ZNF679: variants seen among roughly 807,000 people sequenced by gnomAD.
ZNF679 encodes zinc finger protein 679, also known as hypothetical protein MGC42415.
ZNF679 carries 10 observed loss-of-function variants against 13.4 expected under a neutral mutation model. The ratio of observed to expected loss-of-function variants is 0.75; its 90% CI spans 0.46 to 1.27. The LOEUF is 1.27. Ranked by LOEUF, ZNF679 falls within the 50% of genes most tolerant of loss-of-function variation. The probability of loss-of-function intolerance (pLI) is 0.00; values close to 1 mark genes in which losing one functional copy is unlikely to be tolerated. For missense variants in ZNF679, 525 were observed against 477.8 expected (o/e 1.10, Z -0.92); for synonymous variants, 179 against 162.5 (o/e 1.10, Z -0.77).
chr7:64,236,551 G>A (rs1787715041), intron 1 of ZNF679, among the ~76,000 whole-genome samples: 1 of 151,984 alleles, frequency 6.6e-6, no homozygotes, highest in Non-Finnish European at 1.5e-5. Flanking sequence ...TGTGGAGGCT[G>A]AGGTGGGTGG....
At position 64,266,353 on chromosome 7, in the gene ZNF679, C is replaced by T. The variant is rs1248040478; in HGVS notation, c.720C>T (p.Tyr240=). 21 of 1,613,488 alleles carry T rather than the reference C, an allele frequency of 1.3e-5. No homozygotes were observed. The highest frequency in any genetic ancestry group is 1.5e-5 in the Non-Finnish European group (18 of 1,179,798). The change falls in exon 5 of 5, where the codon TAC becomes TAT. Residue 240 remains tyrosine, a synonymous_variant. Coordinates refer to ENST00000421025, the MANE Select transcript of ZNF679 (RefSeq NM_153363.3). ...GAATTCATACTGGAGAGAAACCCTA[C>T]AGATGTGAGGAATGTGGCAAAGCTT... ...HKRIHTGEKP[Y]RCEECGKAFT... is the part of the protein sequence containing the mutation.
At chr7:64,252,585 C>A (rs76508218) in intron 2 of ZNF679, among the ~76,000 whole-genome samples, 1 of 152,040 alleles carries the variant, frequency 6.6e-6, no homozygotes, top group African/African-American at 2.4e-5. Flanking sequence ...TTATGGCTGT[C>A]GGAAATGAAT....
At chr7:64,236,172 G>C (rs1370880383) in intron 1 of ZNF679, among the ~76,000 whole-genome samples, 1 of 152,010 alleles carries the variant, frequency 6.6e-6, no homozygotes, top group Non-Finnish European at 1.5e-5. Flanking sequence ...GGCTGAGGCA[G>C]GAGAATTGCT....
At chr7:64,249,725 T>C (rs565978525) in intron 2 of ZNF679, among the ~76,000 whole-genome samples, 3 of 152,366 alleles carry the variant, frequency 2.0e-5, no homozygotes, top group Admixed American at 6.5e-5. Flanking sequence ...TAAAGTTATG[T>C]CGTTTCCTTA....
intron 2 of ZNF679, among the ~76,000 whole-genome samples, chr7:64,251,413 C>T (rs1291508152): frequency 6.6e-6 from 1 of 152,062 alleles, no homozygotes; most frequent in East Asian, 1.9e-4. Flanking sequence ...AAGATCATGC[C>T]AGTGCACTCC....
intron 3 of ZNF679, 47 bp from the exon 4 acceptor site, chr7:64,260,787 A>G: frequency 6.4e-7 from 1 of 1,557,008 alleles, no homozygotes; most frequent in Non-Finnish European, 8.7e-7. Flanking sequence ...TTTGGTAATT[A>G]AAGAATTCAG....
intron 4 of ZNF679, among the ~76,000 whole-genome samples, chr7:64,264,311 C>T (rs569421725): frequency 2.0e-5 from 3 of 151,936 alleles, no homozygotes; most frequent in African/African-American, 4.8e-5. Flanking sequence ...CTACCCTATA[C>T]ATCTTATTGA....
chr7:64,241,178 A>C (rs897705849), intron 1 of ZNF679, among the ~76,000 whole-genome samples: 2 of 152,194 alleles, frequency 1.3e-5, no homozygotes, highest in African/African-American at 4.8e-5. Flanking sequence ...CGTGCATGCA[A>C]GTCATAATAG....
chr7:64,262,916 T>G (rs2115612169), intron 4 of ZNF679, among the ~76,000 whole-genome samples: 1 of 152,328 alleles, frequency 6.6e-6, no homozygotes, highest in Non-Finnish European at 1.5e-5. Flanking sequence ...AAGTTGTCAT[T>G]TAACTATTTT....
rs2115625336 is a variant in ZNF679 at position 64,266,108 on chromosome 7, C to T, written c.475C>T (p.His159Tyr). ...STTQNKIFQT[H>Y]KCVKVFGKFS... ...TACCCAAAACAAAATATTTCAGACT[C>T]ATAAATGTGTCAAAGTCTTCGGCAA... The change falls in exon 5 of 5, where the codon CAT (histidine) becomes TAT (tyrosine). Residue 159 changes from histidine (H) to tyrosine (Y), a missense_variant. Transcript: ENST00000421025. The T allele has an allele frequency of 1.9e-6, 3 of 1,612,052 alleles. No homozygotes were observed. Among genetic ancestry groups the T allele is most frequent in the African/African-American group, 1.3e-5 (1 of 75,012 alleles).
intron 4 of ZNF679, among the ~76,000 whole-genome samples, chr7:64,265,325 A>G (rs1788129080): frequency 6.6e-6 from 1 of 152,100 alleles, no homozygotes; most frequent in South Asian, 2.1e-4. Flanking sequence ...TTTTTCCATT[A>G]AAAGACTTCT....
chr7:64,235,886 A>G (rs917387302), intron 1 of ZNF679, among the ~76,000 whole-genome samples: 1 of 148,254 alleles, frequency 6.7e-6, no homozygotes, highest in African/African-American at 2.5e-5. Context: ...GATAGATTTC[A>G]TAGATACTTA....
intron 4 of ZNF679, among the ~76,000 whole-genome samples, chr7:64,265,680 C>T (rs573094210): frequency 1.2e-4 from 18 of 152,194 alleles, no homozygotes; most frequent in African/African-American, 4.1e-4. Flanking sequence ...GTATTGTGCC[C>T]ACCTGGTGCA....
At chr7:64,240,794 A>T (rs1787788641) in intron 1 of ZNF679, among the ~76,000 whole-genome samples, 1 of 152,182 alleles carries the variant, frequency 6.6e-6, no homozygotes, top group Non-Finnish European at 1.5e-5. Flanking sequence ...TTTCCTGCTA[A>T]AGGTATAAGA....
rs553154288 is a variant in ZNF679 at position 64,245,278 on chromosome 7, G to A, written c.-90-3750G>A. Among the ~76,000 whole-genome samples the A allele has an allele frequency of 7.6e-4, 116 of 152,186 alleles. 1 individual carries two copies. The highest frequency in any genetic ancestry group is 2.3e-3 in the African/African-American group (96 of 41,538). On this transcript the variant is annotated intron_variant, in intron 1 of 4. Transcript: ENST00000421025. The stretch of plus-strand genomic sequence containing the variant: ...CCCACTCAGGTGATCCACCTGCCTC[G>A]GCCTCCCAAGGTTCTAGGATTACAA...
chr7:64,245,964 C>T (rs941634085), intron 1 of ZNF679, among the ~76,000 whole-genome samples: 5 of 152,186 alleles, frequency 3.3e-5, no homozygotes, highest in East Asian at 3.9e-4. Context: ...CAAGATCTCA[C>T]GATTACACTC....
chr7:64,232,782 C>T (rs76483400), intron 1 of ZNF679, among the ~76,000 whole-genome samples: 5,442 of 152,236 alleles, frequency 0.036, 174 homozygotes, highest in East Asian at 0.16. Flanking sequence ...ACAATCTTCA[C>T]TTGGGGCAGG....
chr7:64,266,339 G>A lies in ZNF679; in HGVS notation c.706G>A (p.Gly236Arg). 6.2e-7 allele frequency: 1 copy of A among 1,613,472 alleles called. No individual in the cohort carries two copies. Among genetic ancestry groups the A allele is most frequent in the Non-Finnish European group, 8.5e-7 (1 of 1,179,748 alleles). ...TTCTAAACATAAAAGAATTCATACT[G>A]GAGAGAAACCCTACAGATGTGAGGA... Reference protein sequence around the residue: ...TLSKHKRIHTGEKPYRCEECG... With the variant: ...TLSKHKRIHTREKPYRCEECG... The change falls in exon 5 of 5, where the codon GGA (glycine) becomes AGA (arginine). Residue 236 changes from glycine (G) to arginine (R), a missense_variant. By Grantham distance (125) the Gly-to-Arg change is moderately radical (BLOSUM62 -2). Coordinates refer to ENST00000421025, the MANE Select transcript of ZNF679 (RefSeq NM_153363.3).
At chr7:64,263,795 T>A (rs1788108407) in intron 4 of ZNF679, among the ~76,000 whole-genome samples, 1 of 152,194 alleles carries the variant, frequency 6.6e-6, no homozygotes, top group African/African-American at 2.4e-5. Context: ...TCTTGTACAG[T>A]CTACTCAACT....
Sources: gnomAD v4.1 joint callset for allele counts (sites outside exome capture counted in the v4.1 genomes callset) on GRCh38, gnomAD v4.1.1 for gene constraint, MANE v1.5 for transcripts, NCBI Gene and HGNC (gene_info 2026-07-23, HGNC 2026-07-21) for gene names.